Variants in RFC2 observed in about 807,000 individuals in gnomAD.
The protein encoded by RFC2 is replication factor C subunit 2.
In RFC2, 34 loss-of-function variants were observed where a neutral mutation model predicts 44.8. The ratio of observed to expected loss-of-function variants is 0.76; its 90% CI spans 0.58 to 1.01. RFC2 has a LOEUF of 1.01. Among genes scored for constraint, RFC2 ranks in the 50% least tolerant of loss-of-function variants. The pLI is 0.00. For missense variants in RFC2, 400 were observed against 453.6 expected (o/e 0.88, Z 1.07); for synonymous variants, 177 against 168.9 (o/e 1.05, Z -0.37).
At position 74,252,661 on chromosome 7, in the gene RFC2, G is replaced by A. The variant is rs1439017235; in HGVS notation, c.114-163C>T. On this transcript the variant is annotated intron_variant, in intron 1 of 10. Transcript: ENST00000055077. ...AAATGTAATAAGATGACAGCCAGGCGCAGTGGCTCACACCTGTAATCCTAG... is the reference window on the plus strand; with the variant it reads ...AAATGTAATAAGATGACAGCCAGGCACAGTGGCTCACACCTGTAATCCTAG... 3.9e-5 allele frequency among the ~76,000 whole-genome samples: 6 copies of A among 152,272 alleles called. No homozygotes were observed. The South Asian group carries it at 8.3e-4, about 21-fold the overall frequency.
chr7:74,244,185 T>C (rs189894896), intron 5 of RFC2, among the ~76,000 whole-genome samples: 22 of 151,206 alleles, frequency 1.5e-4, no homozygotes, highest in African/African-American at 4.9e-4. Flanking sequence ...GGAGAATCAC[T>C]TGAATCCAGG....
chr7:74,231,617 G>A lies in RFC2; in HGVS notation c.*489C>T, dbSNP rs1401514597. ...CCCGTCACCGCATCAATGGGGTGGA[G>A]GCCAAACTCAAACACTTGCGGGGCA... On this transcript the variant is annotated 3_prime_UTR_variant, in exon 11 of 11. Coordinates refer to ENST00000055077, the MANE Select transcript of RFC2 (RefSeq NM_181471.3). The A allele has an allele frequency of 6.5e-6, 1 of 154,896 alleles. No homozygotes were observed. Among genetic ancestry groups the A allele is most frequent in the Non-Finnish European group, 1.4e-5 (1 of 69,610 alleles). 9.6% of individuals were successfully genotyped at this position (154,896 alleles called of 1,614,324 possible). A position where few individuals can be genotyped will look rare whatever the true frequency, so the allele number is the denominator to read the frequency against.
At chr7:74,243,276 G>A (rs1554719522) in intron 5 of RFC2, 30 bp from the exon 6 acceptor site, 1 of 1,459,514 alleles carries the variant, frequency 6.9e-7, no homozygotes, top group East Asian at 2.3e-5. Context: ...TTTGCAAGTG[G>A]GACCCAGAGA....
At chr7:74,239,207 A>C (rs1584249050) in intron 7 of RFC2, among the ~76,000 whole-genome samples, 3 of 118,998 alleles carry the variant, frequency 2.5e-5, no homozygotes, top group South Asian at 2.5e-4. Context: ...ACAGAGTCTC[A>C]CTCTGTCACC....
chr7:74,239,839 T>C, intron 7 of RFC2, 99 bp downstream of exon 7: 1 of 1,161,762 alleles, frequency 8.6e-7, no homozygotes. Context: ...TCTCTTTCTC[T>C]TGTTGTACCT....
chr7:74,249,175 CTT>C (rs781861007), intron 3 of RFC2, 57 bp from the exon 4 acceptor site: 2 of 1,610,812 alleles, frequency 1.2e-6, no homozygotes, highest in African/African-American at 1.3e-5. Context: ...TCAGGTAGCT[CTT>C]GAGTTATGTT....
intron 6 of RFC2, among the ~76,000 whole-genome samples, chr7:74,242,528 C>G (rs1448521253): frequency 6.6e-6 from 1 of 151,914 alleles, no homozygotes; most frequent in Non-Finnish European, 1.5e-5. Context: ...ACAATTTCTC[C>G]TTGTCAATTA....
chr7:74,241,181 T>C (rs1280721178), intron 6 of RFC2, among the ~76,000 whole-genome samples: 2 of 152,196 alleles, frequency 1.3e-5, no homozygotes, highest in African/African-American at 4.8e-5. Context: ...TCCACCTGCC[T>C]CGGCCTCCCA....
Position 74,237,387 on chromosome 7 carries a change from TTCACACAGTGCTGGA to T in RFC2, c.800_814del (p.Ile267_Val271del), listed in dbSNP as rs782588233. On this transcript the variant is annotated inframe_deletion, in exon 9 of 11. Transcript: ENST00000055077. ...CTTGTAGGCTTCGTCAATGTTGGCA[TTCACACAGTGCTGGA>T]TCATCTCCTTTACCAGCAGTGGGTG... is the stretch of plus-strand genomic sequence containing the variant. 2 of 1,605,956 alleles carry T rather than the reference TTCACACAGTGCTGGA, an allele frequency of 1.2e-6. No homozygotes were observed. The highest frequency in any genetic ancestry group is 2.7e-5 in the African/African-American group (2 of 74,864).
intron 10 of RFC2, chr7:74,233,712 TCCCTCAGCCG>T (rs1306931885): frequency 7.1e-6 from 3 of 420,670 alleles, no homozygotes; most frequent in East Asian, 1.5e-4. Flanking sequence ...GCGATCCTCC[TCCCTCAGCCG>T]CCCGAGTAGC....
At chr7:74,252,368 C>T (rs1787014285) in intron 2 of RFC2, 61 bp downstream of exon 2, 10 of 880,768 alleles carry the variant, frequency 1.1e-5, no homozygotes, top group Admixed American at 1.9e-5. Context: ...GATCGCACCA[C>T]TGCACTCCAG....
At position 74,249,745 on chromosome 7, in the gene RFC2, G is replaced by T. The variant is rs781891419; in HGVS notation, c.219C>A (p.Ile73=). 6.8e-6 allele frequency: 11 copies of T among 1,613,450 alleles called. No homozygotes were observed. The highest frequency in any genetic ancestry group is 1.3e-5 in the African/African-American group (1 of 74,880). Residue 73 remains isoleucine, a synonymous_variant, in exon 3 of 11, where the codon ATC becomes ATA. Coordinates refer to ENST00000055077, the MANE Select transcript of RFC2 (RefSeq NM_181471.3). ...FAREGNVPNI[I]IAGPPGTGKT... The stretch of plus-strand genomic sequence containing the variant: ...CCCAGGGCTGGGTACTCACCGCAAT[G>T]ATGATGTTGGGCACATTTCCTTCCC...
At chr7:74,235,941 G>A (rs1025428833) in intron 9 of RFC2, among the ~76,000 whole-genome samples, 4 of 152,186 alleles carry the variant, frequency 2.6e-5, no homozygotes, top group Admixed American at 1.3e-4. Flanking sequence ...TTACAGGCAT[G>A]AGCCACTGAG....
Position 74,243,139 on chromosome 7 carries a change from C to T in RFC2, c.535+7G>A. 1.9e-6 allele frequency: 3 copies of T among 1,600,370 alleles called. No individual in the cohort carries two copies. The highest frequency in any genetic ancestry group is 2.6e-6 in the Non-Finnish European group (3 of 1,167,664). On this transcript the variant is annotated splice_region_variant and intron_variant, in intron 6 of 10. Transcript: ENST00000055077. The stretch of plus-strand genomic sequence containing the variant: ...GTGGCCCCCAGCCACCGAAAGCTCC[C>T]ACTCACCGATGATCTTATCCGAAGC...
chr7:74,252,921 G>A (rs1787055119), intron 1 of RFC2, among the ~76,000 whole-genome samples: 1 of 152,216 alleles, frequency 6.6e-6, no homozygotes, highest in Non-Finnish European at 1.5e-5. Context: ...GGGCTACAGA[G>A]TGAGACTCTG....
intron 9 of RFC2, among the ~76,000 whole-genome samples, chr7:74,236,413 AC>A (rs1803015100): frequency 6.6e-6 from 1 of 152,012 alleles, no homozygotes; most frequent in African/African-American, 2.4e-5. Context: ...TCAACTTCCA[AC>A]CTAGTTTGTT....
chr7:74,250,156 C>G (rs58743010), intron 2 of RFC2, among the ~76,000 whole-genome samples: 43 of 108,802 alleles, frequency 4.0e-4, no homozygotes, highest in African/African-American at 2.1e-3. Context: ...GTCTCAAAAA[C>G]AAAAAAAAAA....
chr7:74,249,556 T>A (rs1368059750), intron 3 of RFC2, among the ~76,000 whole-genome samples, 183 bp downstream of exon 3: 31 of 150,020 alleles, frequency 2.1e-4, no homozygotes, highest in African/African-American at 3.9e-4. Context: ...AAAAAATAAA[T>A]AAATAAATAA....
In RFC2 at chr7:74,251,044, C is replaced by T. The variant is rs1429428135; in HGVS notation, c.184-1264G>A. Among the ~76,000 whole-genome samples, 5 of 152,318 alleles carry T rather than the reference C, an allele frequency of 3.3e-5. No homozygotes were observed. The East Asian group carries it at 7.7e-4, about 23-fold the overall frequency. On this transcript the variant is annotated intron_variant, in intron 2 of 10. Transcript: ENST00000055077. ...TTAGGTGATCCACTCGCCTTGGCCT[C>T]CCAAAGTGCTGGGATTACAGGTGTG...
Sources: allele counts gnomAD v4.1 joint callset (sites outside exome capture counted in the v4.1 genomes callset), GRCh38; gene constraint gnomAD v4.1.1; transcripts MANE v1.5; gene names NCBI Gene and HGNC (gene_info 2026-07-23, HGNC 2026-07-21).